Variants in DRC8 observed in about 807,000 individuals in gnomAD.
DRC8 encodes the protein dynein regulatory complex protein 8.
At chr1:245,051,833 C>T in the DRC8 span, among the ~76,000 whole-genome samples, 26 of 152,066 alleles carry the variant, frequency 1.7e-4, no homozygotes, top group African/African-American at 4.8e-4. Context: ...AGTGTGGAAA[C>T]GAAAAACTAA....
the DRC8 span, chr1:245,059,283 A>G: frequency 1.3e-6 from 1 of 755,862 alleles, no homozygotes; most frequent in Non-Finnish European, 2.2e-6. Context: ...TATCGGAGTG[A>G]TTTGGTTTCC....
At chr1:245,009,252 C>G in the DRC8 span, among the ~76,000 whole-genome samples, 1 of 151,668 alleles carries the variant, frequency 6.6e-6, no homozygotes, top group African/African-American at 2.4e-5. Context: ...TCAGGCTGGT[C>G]TCGAACTCCT....
the DRC8 span, among the ~76,000 whole-genome samples, chr1:244,983,815 A>G: frequency 1.3e-5 from 2 of 151,194 alleles, no homozygotes; most frequent in African/African-American, 2.4e-5. Flanking sequence ...ATTAATACTT[A>G]TGGTCACTAT....
At chr1:245,076,498 T>C in the DRC8 span, among the ~76,000 whole-genome samples, 1,401 of 152,282 alleles carry the variant, frequency 9.2e-3, 25 homozygotes, top group African/African-American at 0.032. Context: ...ACATCTGTTT[T>C]TTAAAAAAGA....
the DRC8 span, among the ~76,000 whole-genome samples, chr1:244,985,093 T>C: frequency 2.7e-5 from 3 of 110,782 alleles, no homozygotes; most frequent in East Asian, 3.3e-4. Context: ...TTTTTTTTTT[T>C]TTTTTCTGAT....
chr1:245,081,355 G>T, the DRC8 span, among the ~76,000 whole-genome samples: 1 of 151,988 alleles, frequency 6.6e-6, no homozygotes, highest in African/African-American at 2.4e-5. Context: ...TAGAGACAGG[G>T]TTTCACCGTG....
chr1:245,104,613 A>G, the DRC8 span, among the ~76,000 whole-genome samples: 1 of 152,100 alleles, frequency 6.6e-6, no homozygotes. Context: ...TTCTCCCTCA[A>G]CAGTTTCCCT....
At chr1:245,083,379 A>G in the DRC8 span, 1 of 1,486,030 alleles carries the variant, frequency 6.7e-7, no homozygotes, top group South Asian at 1.2e-5. Flanking sequence ...GAGACTGCTG[A>G]TTTATTATGT....
At chr1:245,055,900 C>A in the DRC8 span, among the ~76,000 whole-genome samples, 2 of 152,028 alleles carry the variant, frequency 1.3e-5, no homozygotes, top group South Asian at 4.2e-4. Context: ...TGTTTTATTA[C>A]GAAATGTTTT....
the DRC8 span, among the ~76,000 whole-genome samples, chr1:244,979,303 T>C: frequency 7.5e-6 from 1 of 132,956 alleles, no homozygotes; most frequent in African/African-American, 2.8e-5. Context: ...TTTTTTTTTT[T>C]TTTTTTTTTT....
chr1:245,003,322 A>G, the DRC8 span, among the ~76,000 whole-genome samples: 1 of 152,190 alleles, frequency 6.6e-6, no homozygotes, highest in African/African-American at 2.4e-5. Context: ...GAATTGCTAG[A>G]TCATATGGTA....
chr1:244,977,860 A>G, the DRC8 span, among the ~76,000 whole-genome samples: 1 of 152,216 alleles, frequency 6.6e-6, no homozygotes, highest in Non-Finnish European at 1.5e-5. Context: ...TGGGGCATAC[A>G]AAATAAATGG....
the DRC8 span, among the ~76,000 whole-genome samples, chr1:245,113,324 G>A: frequency 6.6e-6 from 1 of 152,154 alleles, no homozygotes; most frequent in Non-Finnish European, 1.5e-5. Context: ...GTATCTAAGA[G>A]TTGCTTTCAG....
chr1:244,984,608 G>T, the DRC8 span, among the ~76,000 whole-genome samples: 114 of 152,238 alleles, frequency 7.5e-4, no homozygotes, highest in Non-Finnish European at 1.2e-3. Context: ...ATTGAGGCAG[G>T]TGGATCACCT....
At chr1:245,009,759 G>A in the DRC8 span, among the ~76,000 whole-genome samples, 557 of 151,352 alleles carry the variant, frequency 3.7e-3, 24 homozygotes, top group East Asian at 0.095. Context: ...GAGCCACTGC[G>A]CCCAGCCCCC....
At chr1:245,119,956 A>AGAAG in the DRC8 span, among the ~76,000 whole-genome samples, 2 of 1,828 alleles carry the variant, frequency 1.1e-3, no homozygotes, top group Non-Finnish European at 1.8e-3. Flanking sequence ...AAATAAGTAA[A>AGAAG]TAAGTAAATA....
chr1:244,991,913 G>A, the DRC8 span, among the ~76,000 whole-genome samples: 1 of 152,278 alleles, frequency 6.6e-6, no homozygotes, highest in South Asian at 2.1e-4. Flanking sequence ...TGACTGTCTG[G>A]ACTGATTTAT....
At chr1:244,974,479 CTA>C in the DRC8 span, among the ~76,000 whole-genome samples, 1 of 152,284 alleles carries the variant, frequency 6.6e-6, no homozygotes, top group Admixed American at 6.5e-5. Flanking sequence ...TAAAGTGCCT[CTA>C]ATTCAATTAT....
At chr1:245,001,709 G>A in the DRC8 span, among the ~76,000 whole-genome samples, 1 of 152,214 alleles carries the variant, frequency 6.6e-6, no homozygotes, top group African/African-American at 2.4e-5. Context: ...GCAACAGTGT[G>A]AAGGATGAAG....
Sources: gnomAD v4.1 joint callset for allele counts (sites outside exome capture counted in the v4.1 genomes callset) on GRCh38, gnomAD v4.1.1 for gene constraint, MANE v1.5 for transcripts, NCBI Gene and HGNC (gene_info 2026-07-23, HGNC 2026-07-21) for gene names.